Variants in VPS13D observed in about 807,000 individuals in gnomAD.
The protein encoded by VPS13D is intermembrane lipid transfer protein VPS13D.
A neutral mutation model predicts 461.9 loss-of-function variants in VPS13D; 187 were observed. The ratio of observed to expected loss-of-function variants is 0.40; its 90% confidence interval spans 0.36 to 0.46. VPS13D has a LOEUF of 0.46. VPS13D is among the 20% of genes least tolerant of loss of function. The probability of loss-of-function intolerance (pLI) is 0.60; values close to 1 mark genes in which losing one functional copy is unlikely to be tolerated. For missense variants in VPS13D, 4,711 were observed against 5,364.9 expected (o/e 0.88, Z 3.81); for synonymous variants, 1,951 against 1,986.3 (o/e 0.98, Z 0.47).
Position 12,378,417 on chromosome 1 carries a change from C to A in VPS13D, c.10918-11C>A. 6.3e-7 allele frequency: 1 copy of A among 1,584,062 alleles called. No individual in the cohort carries two copies. Among genetic ancestry groups the A allele is most frequent in the Non-Finnish European group, 8.6e-7 (1 of 1,166,072 alleles). The stretch of plus-strand genomic sequence containing the variant: ...TGGCTCTTTCTCTTTTTGCTTGTAC[C>A]TACTTAACAGGAACCAGGAAAGCGT... On this transcript the variant is annotated splice_polypyrimidine_tract_variant and intron_variant, in intron 55 of 69. Transcript: ENST00000620676.
rs535912222 is a variant in VPS13D, at chr1:12,306,129, G to A, written c.6439+1401G>A. 7.2e-5 allele frequency among the ~76,000 whole-genome samples: 11 copies of A among 152,034 alleles called. No individual in the cohort carries two copies. In the South Asian group the frequency reaches 8.3e-4, roughly 12 times the overall value. On this transcript the variant is annotated intron_variant, in intron 26 of 69. Transcript: ENST00000620676. Reference sequence around the variant, plus strand: ...CTCCCGAGTAGCTGGGACTACAGGCGCCCGCCACCACGCCTGGCTAATTTT... The same window carrying A: ...CTCCCGAGTAGCTGGGACTACAGGCACCCGCCACCACGCCTGGCTAATTTT...
rs535007210 is a variant in VPS13D, at chr1:12,235,489, C to T, written c.97+1126C>T. On this transcript the variant is annotated intron_variant, in intron 2 of 69. Coordinates refer to ENST00000620676, the MANE Select transcript of VPS13D (RefSeq NM_015378.4). ...ACTCGGGAGGCTGAGGCAGGAGAAT[C>T]GCTTGAAACCAGAAGGCGGAGGTTG... is the stretch of plus-strand genomic sequence containing the variant. 3.9e-4 allele frequency among the ~76,000 whole-genome samples: 59 copies of T among 152,170 alleles called. No homozygotes were observed. In the South Asian group the frequency reaches 8.7e-3, roughly 22 times the overall value.
In VPS13D at chr1:12,308,438, T is replaced by C. The variant is rs1218743531; in HGVS notation, c.6447T>C (p.His2149=). Residue 2149 remains histidine (H), a synonymous_variant, in exon 27 of 70, where the codon CAT becomes CAC. Coordinates refer to ENST00000620676, the MANE Select transcript of VPS13D (RefSeq NM_015378.4). ...VGQESSSPED[H]VCLLDCVVVD... ...TTCCTTGGGTCCTTGTAGAAGACCA[T>C]GTCTGCCTGCTGGATTGCGTTGTCG... 22 of 1,614,042 alleles carry C rather than the reference T, an allele frequency of 1.4e-5. No individual in the cohort carries two copies. In the Middle Eastern group the frequency reaches 4.9e-4, roughly 36 times the overall value.
rs1557717016 is a variant in VPS13D, at chr1:12,335,683, ATC to A, written c.8429-18_8429-17del. On this transcript the variant is annotated intron_variant, in intron 38 of 69. Transcript: ENST00000620676. ...CTCCATCTTTTTTAGTTCTCTTAAT[ATC>A]TCTGGGGGATTCTTTCTAGACCAGT... 1 of 1,581,936 alleles carries A rather than the reference ATC, an allele frequency of 6.3e-7. No individual in the cohort carries two copies. Among genetic ancestry groups the A allele is most frequent in the East Asian group, 2.3e-5 (1 of 44,394 alleles).
At chr1:12,496,493 C>T (rs1401008722) in intron 67 of VPS13D, among the ~76,000 whole-genome samples, 2 of 152,350 alleles carry the variant, frequency 1.3e-5, no homozygotes, top group Middle Eastern at 3.4e-3. Context: ...ACTGTTAGTT[C>T]CTGTTTCTGA....
At position 12,509,291 on chromosome 1, in the gene VPS13D, T is replaced by C. The variant is rs1310857097; in HGVS notation, c.*267T>C. 2.4e-6 allele frequency: 1 copy of C among 409,348 alleles called. No individual in the cohort carries two copies. Among genetic ancestry groups the C allele is most frequent in the African/African-American group, 2.0e-5 (1 of 49,626 alleles). 25.4% of individuals were successfully genotyped at this position (409,348 alleles called of 1,614,324 possible). ...AAAACATGTACTGAGATGAATCTAA[T>C]TTTTAGATTGCCCTGTATTTTGTTA... is the stretch of plus-strand genomic sequence containing the variant. On this transcript the variant is annotated 3_prime_UTR_variant, in exon 70 of 70. Transcript: ENST00000620676.
chr1:12,312,195 G>C (rs1642771397), intron 29 of VPS13D, among the ~76,000 whole-genome samples: 1 of 152,136 alleles, frequency 6.6e-6, no homozygotes, highest in African/African-American at 2.4e-5. Flanking sequence ...CTCATACTCT[G>C]TGACCATTGT....
At chr1:12,383,307 A>G in intron 58 of VPS13D, 152 bp downstream of exon 58, 1 of 784,530 alleles carries the variant, frequency 1.3e-6, no homozygotes, top group Non-Finnish European at 1.9e-6. Flanking sequence ...CTACCTCACA[A>G]AGTTGTTACA....
chr1:12,476,096 CAAGA>C (rs1346865127), intron 67 of VPS13D, among the ~76,000 whole-genome samples: 1 of 152,168 alleles, frequency 6.6e-6, no homozygotes, highest in African/African-American at 2.4e-5. Flanking sequence ...ACAGAATGTA[CAAGA>C]GAGAAGCGTG....
At chr1:12,341,674 G>A in intron 40 of VPS13D, 106 bp from the exon 41 acceptor site, 2 of 912,832 alleles carry the variant, frequency 2.2e-6, no homozygotes, top group Non-Finnish European at 3.4e-6. Flanking sequence ...TCCACCTTCA[G>A]CCCCTTTGCA....
chr1:12,243,704 A>G (rs1261544641), intron 3 of VPS13D, among the ~76,000 whole-genome samples: 2 of 152,194 alleles, frequency 1.3e-5, no homozygotes, highest in Non-Finnish European at 2.9e-5. Context: ...TCACAATTCT[A>G]CCGAGCCGTT....
intron 69 of VPS13D, among the ~76,000 whole-genome samples, 197 bp from the exon 70 acceptor site, chr1:12,508,696 A>G (rs987801843): frequency 6.6e-6 from 1 of 152,034 alleles, no homozygotes; most frequent in Non-Finnish European, 1.5e-5. Context: ...CGTCTCAAAA[A>G]AAAAAAAAAA....
chr1:12,430,010 A>G (rs1012284001), intron 65 of VPS13D, among the ~76,000 whole-genome samples: 3 of 152,244 alleles, frequency 2.0e-5, no homozygotes, highest in Admixed American at 2.0e-4. Context: ...TGGTTTGGAA[A>G]CCTTAATTGT....
rs948727189 is a variant in VPS13D, at chr1:12,385,127, C to T, written c.11371-133C>T. The T allele has an allele frequency of 5.7e-6, 4 of 703,706 alleles. No homozygotes were observed. In the African/African-American group the frequency reaches 7.3e-5, roughly 13 times the overall value. 43.6% of individuals were successfully genotyped at this position (703,706 alleles called of 1,614,324 possible). A position where few individuals can be genotyped will look rare whatever the true frequency, so the allele number is the denominator to read the frequency against. ...TTACACAAATCTTACCTTACCAGTG[C>T]TTTGGAAACCATTCGCTTCCATAGG... is the stretch of plus-strand genomic sequence containing the variant. On this transcript the variant is annotated intron_variant, in intron 58 of 69. Transcript: ENST00000620676.
chr1:12,479,479 T>G, intron 67 of VPS13D, among the ~76,000 whole-genome samples: 1 of 152,244 alleles, frequency 6.6e-6, no homozygotes, highest in Admixed American at 6.5e-5. Flanking sequence ...CTAGCTTGCA[T>G]GGTATCGCTG....
At chr1:12,406,145 T>C (rs542933579) in intron 63 of VPS13D, among the ~76,000 whole-genome samples, 1 of 152,292 alleles carries the variant, frequency 6.6e-6, no homozygotes, top group South Asian at 2.1e-4. Context: ...GTGTAGTAAG[T>C]TAATGTTTCC....
In VPS13D at chr1:12,267,938, GT is replaced by G. The variant is rs753972644; in HGVS notation, c.1801+25del. ...TTACCCAGGTAATTTGTCCTATGTT[GT>G]TTTTTTAAAATTTTTAAATTTTTTA... On this transcript the variant is annotated intron_variant, in intron 15 of 69. Coordinates refer to ENST00000620676, the MANE Select transcript of VPS13D (RefSeq NM_015378.4). 1 of 1,586,000 alleles carries G rather than the reference GT, an allele frequency of 6.3e-7. No individual in the cohort carries two copies. The highest frequency in any genetic ancestry group is 8.5e-7 in the Non-Finnish European group (1 of 1,170,290).
At chr1:12,463,390 C>T (rs905826227) in intron 67 of VPS13D, among the ~76,000 whole-genome samples, 9 of 152,154 alleles carry the variant, frequency 5.9e-5, no homozygotes, top group African/African-American at 1.7e-4. Flanking sequence ...ACATAGCAGC[C>T]GTTTCACCAA....
chr1:12,493,316 A>G (rs1258010004), intron 67 of VPS13D, among the ~76,000 whole-genome samples: 1 of 151,918 alleles, frequency 6.6e-6, no homozygotes, highest in Non-Finnish European at 1.5e-5. Context: ...CCCCGTCTCT[A>G]ATAAAAATAT....
Sources: gnomAD v4.1 joint callset for allele counts (sites outside exome capture counted in the v4.1 genomes callset) on GRCh38, gnomAD v4.1.1 for gene constraint, MANE v1.5 for transcripts, NCBI Gene and HGNC (gene_info 2026-07-23, HGNC 2026-07-21) for gene names.